Variants in DARS1 observed in about 807,000 individuals in gnomAD.
DARS1 encodes the protein aspartate--tRNA ligase, cytoplasmic.
In DARS1, 51 loss-of-function variants were observed where a neutral mutation model predicts 68.8. That is an observed-to-expected ratio of 0.74 (90% CI 0.59 to 0.94). The LOEUF is 0.94. Among genes scored for constraint, DARS1 ranks in the 40% least tolerant of loss-of-function variants. DARS1 has a pLI of 0.00. For missense variants in DARS1, 607 were observed against 597.3 expected (o/e 1.02, Z -0.17); for synonymous variants, 203 against 190.4 (o/e 1.07, Z -0.55).
chr2:135,978,433 T>C (rs1447864688), intron 3 of DARS1, among the ~76,000 whole-genome samples: 1 of 152,228 alleles, frequency 6.6e-6, no homozygotes, highest in African/African-American at 2.4e-5. Context: ...AGTAGCTTCA[T>C]TCTGAACGTG....
chr2:135,984,516 G>A (rs916226017), intron 1 of DARS1, among the ~76,000 whole-genome samples: 1 of 152,206 alleles, frequency 6.6e-6, no homozygotes, highest in Non-Finnish European at 1.5e-5. Flanking sequence ...CCTGGCCAGA[G>A]TAGAGAGATA....
intron 8 of DARS1, among the ~76,000 whole-genome samples, chr2:135,923,393 G>A (rs957145172): frequency 1.3e-5 from 2 of 151,984 alleles, no homozygotes; most frequent in African/African-American, 4.8e-5. Context: ...AGGTTCAAGC[G>A]ATTCTCCTGC....
intron 4 of DARS1, among the ~76,000 whole-genome samples, chr2:135,954,311 C>CA (rs1290886567): frequency 1.2e-4 from 6 of 51,904 alleles, no homozygotes; most frequent in East Asian, 5.3e-4. Context: ...AAAACAAAAC[C>CA]AAAAAAACAA....
chr2:135,907,399 G>A lies in DARS1; in HGVS notation c.1423C>T (p.Arg475Ter), dbSNP rs757925492. 11 of 1,610,556 alleles carry A rather than the reference G, an allele frequency of 6.8e-6. No individual in the cohort carries two copies. Among genetic ancestry groups the A allele is most frequent in the Middle Eastern group, 3.3e-4 (2 of 6,054 alleles). ...PHAGGGIGLE[R>*]VTMLFLGLHN... ...AATCCCAGAAACAGCATAGTAACTCGTTCCAATCCTGGGGAAGACAAAAAT... is the reference window on the plus strand; with the variant it reads ...AATCCCAGAAACAGCATAGTAACTCATTCCAATCCTGGGGAAGACAAAAAT... Residue 475 changes from arginine (R) to a stop codon, truncating the protein, a stop_gained, in exon 16 of 16, where the codon CGA (arginine) becomes TGA (stop). Transcript: ENST00000264161. LOFTEE classifies it high-confidence loss of function.
At chr2:135,954,325 C>CAAAAAAAAAAAACA (rs1681913278) in intron 4 of DARS1, among the ~76,000 whole-genome samples, 2 of 81,376 alleles carry the variant, frequency 2.5e-5, no homozygotes, top group Admixed American at 1.3e-4. Context: ...AAAACAAAAC[C>CAAAAAAAAAAAACA]AAAAAAAAAA....
chr2:135,982,597 CAA>C (rs548129919), intron 2 of DARS1, among the ~76,000 whole-genome samples: 19 of 95,092 alleles, frequency 2.0e-4, no homozygotes, highest in Admixed American at 3.3e-4. Context: ...CTCTGTCTCC[CAA>C]AAAAAAAAAA....
At chr2:135,919,045 T>C (rs762126162) in intron 10 of DARS1, among the ~76,000 whole-genome samples, 2 of 152,202 alleles carry the variant, frequency 1.3e-5, no homozygotes. Flanking sequence ...TTCTATTTTT[T>C]CTTTGAGACA....
chr2:135,944,503 G>A (rs1006496133), intron 4 of DARS1, among the ~76,000 whole-genome samples: 2 of 152,054 alleles, frequency 1.3e-5, no homozygotes, highest in Non-Finnish European at 2.9e-5. Context: ...GTGAAGAGTA[G>A]TTAAGAAAGA....
At chr2:135,977,162 C>T (rs1230549362) in intron 3 of DARS1, among the ~76,000 whole-genome samples, 5 of 152,184 alleles carry the variant, frequency 3.3e-5, no homozygotes, top group Non-Finnish European at 7.4e-5. Context: ...CGAAGGCTTA[C>T]ACTGCACCAA....
chr2:135,930,310 T>C (rs183845192), intron 7 of DARS1, among the ~76,000 whole-genome samples: 63 of 152,298 alleles, frequency 4.1e-4, no homozygotes, highest in Non-Finnish European at 6.8e-4. Context: ...AGAGGTAGCA[T>C]TGAGGATAAT....
intron 3 of DARS1, among the ~76,000 whole-genome samples, chr2:135,963,868 CGGGGGCTT>C (rs942877916): frequency 6.7e-5 from 10 of 148,750 alleles, no homozygotes; most frequent in African/African-American, 2.5e-4. Flanking sequence ...GTAGTAGAGA[CGGGGGCTT>C]CACCATATTG....
At chr2:135,978,960 C>CT (rs892547836) in intron 3 of DARS1, 6 of 198,150 alleles carry the variant, frequency 3.0e-5, no homozygotes, top group South Asian at 2.1e-4. Flanking sequence ...AAAGTTTACT[C>CT]TTTTTTTTCA....
At chr2:135,947,133 G>A (rs969644511) in intron 4 of DARS1, among the ~76,000 whole-genome samples, 7 of 148,550 alleles carry the variant, frequency 4.7e-5, no homozygotes, top group Non-Finnish European at 7.5e-5. Flanking sequence ...GCCCAGGCAC[G>A]GTGGCTCATG....
intron 4 of DARS1, among the ~76,000 whole-genome samples, chr2:135,958,407 G>A (rs749549372): frequency 2.0e-5 from 3 of 152,012 alleles, no homozygotes; most frequent in Non-Finnish European, 4.4e-5. Flanking sequence ...CATTTTATGC[G>A]CTAAAACACA....
At chr2:135,940,593 C>G (rs1458517539) in intron 5 of DARS1, among the ~76,000 whole-genome samples, 3 of 152,178 alleles carry the variant, frequency 2.0e-5, no homozygotes, top group African/African-American at 7.2e-5. Context: ...CCTTTGAAAA[C>G]TGGCACAAGA....
At position 135,985,567 on chromosome 2, in the gene DARS1, G is replaced by C. The variant is rs768956232; in HGVS notation, c.-99C>G. On this transcript the variant is annotated 5_prime_UTR_variant, in exon 1 of 16. Coordinates refer to ENST00000264161, the MANE Select transcript of DARS1 (RefSeq NM_001349.4). ...CCTCCCTCCCAGTCTCCGCCCTCCCGACCCTGGGGTCTCAGCACACGCGCT... is the reference window on the plus strand; with the variant it reads ...CCTCCCTCCCAGTCTCCGCCCTCCCCACCCTGGGGTCTCAGCACACGCGCT... The C allele has an allele frequency of 1.6e-5, 26 of 1,591,186 alleles. No individual in the cohort carries two copies. Among genetic ancestry groups the C allele is most frequent in the Non-Finnish European group, 2.1e-5 (25 of 1,169,020 alleles).
chr2:135,971,289 T>C (rs976907571), intron 3 of DARS1, among the ~76,000 whole-genome samples: 3 of 152,058 alleles, frequency 2.0e-5, no homozygotes, highest in African/African-American at 7.2e-5. Context: ...GTTCAAAATA[T>C]ACAAATCAAT....
At chr2:135,951,922 G>A (rs369297048) in intron 4 of DARS1, among the ~76,000 whole-genome samples, 3 of 152,060 alleles carry the variant, frequency 2.0e-5, no homozygotes, top group Admixed American at 6.6e-5. Context: ...ACCATTCAAC[G>A]AGTATAAAAC....
chr2:135,965,177 A>G (rs1351853558), intron 3 of DARS1, among the ~76,000 whole-genome samples: 2 of 152,184 alleles, frequency 1.3e-5, no homozygotes, highest in Non-Finnish European at 2.9e-5. Flanking sequence ...TACAGAGTAA[A>G]AAATGGAACT....
Sources: gnomAD v4.1 joint callset for allele counts (sites outside exome capture counted in the v4.1 genomes callset) on GRCh38, gnomAD v4.1.1 for gene constraint, MANE v1.5 for transcripts, NCBI Gene and HGNC (gene_info 2026-07-23, HGNC 2026-07-21) for gene names.